The following DIAPH2 variants were observed in gnomAD, a reference collection of about 807,000 sequenced individuals.
DIAPH2 encodes the protein diaphanous related formin 2.
A neutral mutation model predicts 92.7 loss-of-function variants in DIAPH2; 35 were observed. The ratio of observed to expected loss-of-function variants is 0.38; its 90% confidence interval spans 0.29 to 0.50. The LOEUF (loss-of-function observed/expected upper bound fraction) is 0.50, where lower values mean the gene tolerates loss of function less well. Among genes scored for constraint, DIAPH2 ranks in the 20% least tolerant of loss-of-function variants. The pLI, the probability that DIAPH2 is intolerant of heterozygous loss-of-function variation, is 0.94. For synonymous variants in DIAPH2, 301 were observed against 280.4 expected, an observed-to-expected ratio of 1.07 and a Z score of -0.73; for missense variants, 701 against 819.5, an observed-to-expected ratio of 0.86 and a Z score of 1.77.
intron 5 of DIAPH2, among the ~76,000 whole-genome samples, chrX:96,905,199 G>T (rs2065425026): frequency 8.9e-6 from 1 of 111,793 alleles, no homozygotes; most frequent in South Asian, 3.7e-4. Context: ...TTTTGAAAGA[G>T]ATGTTAATTT....
intron 26 of DIAPH2, among the ~76,000 whole-genome samples, chrX:97,580,145 T>C (rs1385552777): frequency 9.1e-6 from 1 of 109,352 alleles, no homozygotes; most frequent in Non-Finnish European, 1.9e-5. Context: ...CTTTTCCTAC[T>C]TGAATACCCT....
chrX:96,950,015 G>C (rs1377198163), intron 15 of DIAPH2, among the ~76,000 whole-genome samples: 1 of 111,009 alleles, frequency 9.0e-6, no homozygotes, highest in Non-Finnish European at 1.9e-5. Flanking sequence ...CAATCCGGGG[G>C]CCTTTTCCTA....
chrX:97,299,349 C>T (rs1305929517), intron 23 of DIAPH2, among the ~76,000 whole-genome samples: 1 of 111,610 alleles, frequency 9.0e-6, no homozygotes, highest in Non-Finnish European at 1.9e-5. Context: ...TACCATCAAC[C>T]CCTATGGATA....
chrX:97,418,043 C>G (rs182672260), intron 25 of DIAPH2, among the ~76,000 whole-genome samples: 2 of 111,581 alleles, frequency 1.8e-5, no homozygotes, highest in African/African-American at 3.3e-5. Context: ...CATGGAGACA[C>G]TGAACAAAGG....
At chrX:96,869,557 C>CACTACCACT (rs2065125678) in intron 4 of DIAPH2, among the ~76,000 whole-genome samples, 1 of 97,921 alleles carries the variant, frequency 1.0e-5, no homozygotes, top group Non-Finnish European at 2.0e-5. Context: ...CTACTACTAC[C>CACTACCACT]ACTACTACTA....
intron 14 of DIAPH2, among the ~76,000 whole-genome samples, chrX:96,947,044 G>T (rs2065742242): frequency 9.0e-6 from 1 of 111,489 alleles, no homozygotes; most frequent in African/African-American, 3.3e-5. Flanking sequence ...AATTAGCTGT[G>T]ACTTTGGGTA....
At chrX:97,174,703 T>C (rs1184395720) in intron 22 of DIAPH2, among the ~76,000 whole-genome samples, 3 of 112,141 alleles carry the variant, frequency 2.7e-5, no homozygotes, top group African/African-American at 9.7e-5. Flanking sequence ...TCTACTGGTG[T>C]GTGTGTGTTT....
chrX:97,146,007 C>CTTTTT (rs372292277), intron 22 of DIAPH2, among the ~76,000 whole-genome samples: 6,368 of 43,207 alleles, frequency 0.15, 889 homozygotes, highest in Non-Finnish European at 0.22. Context: ...TTTCTTCTTC[C>CTTTTT]TTTTTTTTTT....
chrX:97,429,873 A>C, intron 26 of DIAPH2, 128 bp downstream of exon 26: 2 of 609,332 alleles, frequency 3.3e-6, no homozygotes, highest in African/African-American at 2.3e-5. Flanking sequence ...AGTTGATCTC[A>C]GCTCATGTGT....
chrX:97,457,881 C>A (rs914251025), intron 26 of DIAPH2, among the ~76,000 whole-genome samples: 1 of 111,750 alleles, frequency 8.9e-6, no homozygotes, highest in African/African-American at 3.3e-5. Flanking sequence ...TTATCAGATA[C>A]CAAATTTACT....
At chrX:97,586,182 C>T (rs1436960551) in intron 26 of DIAPH2, among the ~76,000 whole-genome samples, 1 of 111,840 alleles carries the variant, frequency 8.9e-6, no homozygotes, top group Non-Finnish European at 1.9e-5. Flanking sequence ...TTTGTAACGG[C>T]CTGCTGGGCA....
chrX:96,729,972 T>A, intron 1 of DIAPH2, among the ~76,000 whole-genome samples: 1 of 112,209 alleles, frequency 8.9e-6, no homozygotes, highest in Non-Finnish European at 1.9e-5. Context: ...TCTCAACTAC[T>A]AGGCTTTTGA....
At chrX:97,386,654 T>C (rs2069603793) in intron 25 of DIAPH2, among the ~76,000 whole-genome samples, 1 of 107,909 alleles carries the variant, frequency 9.3e-6, no homozygotes, top group Non-Finnish European at 1.9e-5. Context: ...GGTGACAGAG[T>C]GAGACTCTGT....
chrX:97,429,693 A>G lies in DIAPH2; in HGVS notation c.3189A>G (p.Leu1063=). The change falls in exon 26 of 27, where the codon CTA becomes CTG. Residue 1063 remains leucine (L), a synonymous_variant. Transcript: ENST00000324765. ...TGATGGATAATCTTCTAGAAGCCCT[A>G]CAATCAGGTGCAGCATTCAGAGACC... The part of the protein sequence containing the change: ...TGVMDNLLEA[L]QSGAAFRDRR... The G allele has an allele frequency of 1.7e-6, 2 of 1,210,660 alleles. No homozygotes were observed. The highest frequency in any genetic ancestry group is 2.2e-6 in the Non-Finnish European group (2 of 895,175).
intron 4 of DIAPH2, among the ~76,000 whole-genome samples, chrX:96,826,070 C>T (rs2064813735): frequency 1.8e-5 from 2 of 111,658 alleles, no homozygotes; most frequent in Non-Finnish European, 3.8e-5. Flanking sequence ...TTGGCTCATA[C>T]TTTCACTGCA....
chrX:96,723,428 T>C (rs940426557), intron 1 of DIAPH2, among the ~76,000 whole-genome samples: 1 of 111,681 alleles, frequency 9.0e-6, no homozygotes, highest in Admixed American at 9.5e-5. Flanking sequence ...TTATGTACCA[T>C]CACTGGTATA....
intron 25 of DIAPH2, among the ~76,000 whole-genome samples, chrX:97,414,577 G>A (rs943714482): frequency 8.4e-5 from 9 of 106,734 alleles, no homozygotes; most frequent in African/African-American, 3.1e-4. Flanking sequence ...GTGAACCCAG[G>A]AGGCAGAGCT....
intron 22 of DIAPH2, among the ~76,000 whole-genome samples, chrX:97,235,601 C>CAAAA (rs10563336): frequency 7.3e-4 from 39 of 53,149 alleles, no homozygotes; most frequent in Non-Finnish European, 8.7e-4. Context: ...GAGACTACGT[C>CAAAA]AAAAAAAAAA....
chrX:97,076,544 A>G (rs760798575), intron 19 of DIAPH2, among the ~76,000 whole-genome samples: 14 of 111,520 alleles, frequency 1.3e-4, no homozygotes, highest in Non-Finnish European at 7.5e-5. Context: ...AAAAAATGAA[A>G]CAAAACAAAA....
Sources: allele counts gnomAD v4.1 joint callset (sites outside exome capture counted in the v4.1 genomes callset), GRCh38; gene constraint gnomAD v4.1.1; transcripts MANE v1.5; gene names NCBI Gene and HGNC (gene_info 2026-07-23, HGNC 2026-07-21).